Variants in USP16 observed in about 807,000 individuals in gnomAD.
The protein encoded by USP16 is ubiquitin specific peptidase 16.
Under a neutral mutation model 95.9 loss-of-function variants are expected in USP16, and 77 were observed. The ratio of observed to expected loss-of-function variants is 0.80; its 90% CI spans 0.67 to 0.97. USP16 has a LOEUF of 0.97. Ranked by LOEUF, USP16 falls within the 50% of genes least tolerant of loss-of-function variation. The pLI, the probability that USP16 is intolerant of heterozygous loss-of-function variation, is 0.00. For missense variants in USP16, 943 were observed against 959.9 expected (o/e 0.98, Z 0.23); for synonymous variants, 303 against 318.2 (o/e 0.95, Z 0.51).
intron 13 of USP16, among the ~76,000 whole-genome samples, chr21:29,043,972 G>A (rs1050925689): frequency 1.3e-5 from 2 of 151,252 alleles, no homozygotes; most frequent in African/African-American, 2.4e-5. Context: ...TTGCTGTGTC[G>A]CCCAGGCCAG....
intron 6 of USP16, among the ~76,000 whole-genome samples, chr21:29,037,942 C>T (rs551676567): frequency 1.3e-5 from 2 of 152,304 alleles, no homozygotes; most frequent in Admixed American, 6.5e-5. Context: ...GGTGAGCACT[C>T]GGGTGCAGTG....
At chr21:29,051,631 G>C (rs571319435) in intron 16 of USP16, among the ~76,000 whole-genome samples, 13 of 152,336 alleles carry the variant, frequency 8.5e-5, no homozygotes, top group African/African-American at 3.1e-4. Context: ...AGGAGTTCGA[G>C]ACCAGCCTGG....
Position 29,024,771 on chromosome 21 carries a change from G to A in USP16, c.-48G>A. The A allele has an allele frequency of 2.3e-6, 3 of 1,287,812 alleles. No homozygotes were observed. The highest frequency in any genetic ancestry group is 3.0e-6 in the Non-Finnish European group (3 of 988,180). The allele number at this position is 1,287,812 out of a possible 1,614,324, so 79.8% of individuals were successfully genotyped here. ...AGGGGATGCAGTTATGGGCTCTGTC[G>A]CCGTGGGTGAGTTCTGGTCCCACTG... On this transcript the variant is annotated 5_prime_UTR_variant, in exon 1 of 18. Transcript: ENST00000399976.
chr21:29,026,526 CT>C (rs1239258410), intron 1 of USP16: 1 of 134,966 alleles, frequency 7.4e-6, no homozygotes, highest in Non-Finnish European at 1.6e-5. Flanking sequence ...ACCCAAACAT[CT>C]GCATTTTACC....
Position 29,054,105 on chromosome 21 carries a change from G to A in USP16, c.2390G>A (p.Ser797Asn), listed in dbSNP as rs764145687. 1 of 1,614,214 alleles carries A rather than the reference G, an allele frequency of 6.2e-7. No homozygotes were observed. Among genetic ancestry groups the A allele is most frequent in the South Asian group, 1.1e-5 (1 of 91,086 alleles). Residue 797 changes from serine (S) to asparagine (N), a missense_variant, in exon 18 of 18, where the codon AGC becomes AAC. Coordinates refer to ENST00000399976, the MANE Select transcript of USP16 (RefSeq NM_006447.3). ...MESKGQWFHI[S>N]DTHVQAVPTT... ...TCAAAAGGGCAGTGGTTTCACATCA[G>A]CGACACACATGTGCAAGCTGTGCCT...
chr21:29,027,034 A>G (rs1189054405), intron 1 of USP16, among the ~76,000 whole-genome samples: 1 of 151,978 alleles, frequency 6.6e-6, no homozygotes, highest in East Asian at 1.9e-4. Context: ...CTAGTACTGA[A>G]CTCCCACATC....
rs73192118 is a variant in USP16 at position 29,028,833 on chromosome 21, G to C, written c.61+859G>C. ...ATAATTTTCTACTGTTACAGATTTA[G>C]GTAATCTTTAACTTTTTAGTATTAT... On this transcript the variant is annotated intron_variant, in intron 2 of 17. Coordinates refer to ENST00000399976, the MANE Select transcript of USP16 (RefSeq NM_006447.3). 0.014 allele frequency among the ~76,000 whole-genome samples: 2,076 copies of C among 152,292 alleles called. 90 individuals carry two copies. The East Asian group carries it at 0.16, about 12-fold the overall frequency.
intron 16 of USP16, 152 bp downstream of exon 16, chr21:29,050,330 A>C: frequency 3.1e-6 from 2 of 644,068 alleles, no homozygotes; most frequent in African/African-American, 1.8e-5. Flanking sequence ...TTTGAAGATT[A>C]GTGATGAATC....
chr21:29,024,832 G>C, intron 1 of USP16, 55 bp downstream of exon 1: 1 of 1,240,984 alleles, frequency 8.1e-7, no homozygotes. Flanking sequence ...TTCTGCGCTG[G>C]GAGAGCTCCT....
chr21:29,029,362 G>A (rs1023707435), intron 2 of USP16, among the ~76,000 whole-genome samples: 5 of 152,128 alleles, frequency 3.3e-5, no homozygotes, highest in Admixed American at 6.5e-5. Flanking sequence ...GCAGTGAGCC[G>A]AGATTGTGCC....
Position 29,027,894 on chromosome 21 carries a change from G to A in USP16, c.-20G>A. The A allele has an allele frequency of 6.2e-7, 1 of 1,613,148 alleles. No homozygotes were observed. Among genetic ancestry groups the A allele is most frequent in the Non-Finnish European group, 8.5e-7 (1 of 1,179,448 alleles). ...CTAGATTGTTATTTTGTGTCAGTAAGTAATCCATAAAGTGCCAACATGGGA... is the reference window on the plus strand; with the variant it reads ...CTAGATTGTTATTTTGTGTCAGTAAATAATCCATAAAGTGCCAACATGGGA... On this transcript the variant is annotated 5_prime_UTR_variant, in exon 2 of 18. Transcript: ENST00000399976.
chr21:29,053,779 T>C (rs2085452281), intron 16 of USP16, 23 bp from the exon 17 acceptor site: 1 of 1,607,832 alleles, frequency 6.2e-7, no homozygotes, highest in Admixed American at 1.7e-5. Flanking sequence ...GAACTAACTT[T>C]TGGATTCTAC....
chr21:29,053,565 G>C (rs2085448420), intron 16 of USP16: 2 of 411,422 alleles, frequency 4.9e-6, no homozygotes, highest in Non-Finnish European at 8.6e-6. Context: ...CCAGGTAACT[G>C]CATCAAGTGG....
In USP16 at chr21:29,047,292, A is replaced by G. The variant is rs1025151056; in HGVS notation, c.1982A>G (p.Gln661Arg). 1.1e-5 allele frequency: 17 copies of G among 1,611,600 alleles called. No individual in the cohort carries two copies. The highest frequency in any genetic ancestry group is 7.7e-5 in the South Asian group (7 of 90,438). The change falls in exon 14 of 18, where the codon CAG becomes CGG. Residue 661 changes from glutamine to arginine, a missense_variant. Transcript: ENST00000399976. ...CTTTGTGAAGTATGCACACGGAGACAGTGTAATGGACCAAAGGCAAATATA... is the reference window on the plus strand; with the variant it reads ...CTTTGTGAAGTATGCACACGGAGACGGTGTAATGGACCAAAGGCAAATATA... ...KLLCEVCTRR[Q>R]CNGPKANIKG...
At chr21:29,032,272 C>T (rs977042672) in intron 3 of USP16, among the ~76,000 whole-genome samples, 6 of 152,128 alleles carry the variant, frequency 3.9e-5, no homozygotes, top group African/African-American at 1.4e-4. Context: ...CACTCTCTCA[C>T]CCAGGCTGGA....
intron 2 of USP16, among the ~76,000 whole-genome samples, chr21:29,028,592 C>G (rs2085029514): frequency 6.6e-6 from 1 of 151,964 alleles, no homozygotes; most frequent in Non-Finnish European, 1.5e-5. Flanking sequence ...TGCTCCACCA[C>G]ACCCAGCTAA....
chr21:29,043,638 A>G, intron 13 of USP16, 39 bp downstream of exon 13: 1 of 1,470,098 alleles, frequency 6.8e-7, no homozygotes, highest in Non-Finnish European at 9.0e-7. Flanking sequence ...TTGTAATTTT[A>G]TATTTTGAGC....
At position 29,024,797 on chromosome 21, in the gene USP16, C is replaced by G. The variant is rs914092694; in HGVS notation, c.-42+20C>G. 8.1e-5 allele frequency: 102 copies of G among 1,263,702 alleles called. No individual in the cohort carries two copies. The highest frequency in any genetic ancestry group is 1.0e-4 in the Non-Finnish European group (99 of 975,694). 78.3% of individuals were successfully genotyped at this position (1,263,702 alleles called of 1,614,324 possible). On this transcript the variant is annotated intron_variant, in intron 1 of 17. Coordinates refer to ENST00000399976, the MANE Select transcript of USP16 (RefSeq NM_006447.3). ...CCGTGGGTGAGTTCTGGTCCCACTG[C>G]CTGGCAGTCGTCGCTCGCCTGGCTT...
At chr21:29,035,073 A>G (rs2146369221) in intron 4 of USP16, 133 bp downstream of exon 4, 2 of 780,396 alleles carry the variant, frequency 2.6e-6, no homozygotes, top group South Asian at 1.9e-5. Flanking sequence ...CACTTTCACA[A>G]AGCTAAAGAA....
Sources: allele counts gnomAD v4.1 joint callset (sites outside exome capture counted in the v4.1 genomes callset), GRCh38; gene constraint gnomAD v4.1.1; transcripts MANE v1.5; gene names NCBI Gene and HGNC (gene_info 2026-07-23, HGNC 2026-07-21).